The following DSCAM variants were observed in gnomAD, a reference collection of about 807,000 sequenced individuals.
DSCAM encodes the protein DS cell adhesion molecule, also known as cell adhesion molecule DSCAM.
Under a neutral mutation model 217.7 loss-of-function variants are expected in DSCAM, and 47 were observed. The observed-to-expected ratio is 0.22, with a 90% confidence interval of 0.17 to 0.28. The LOEUF is 0.28. DSCAM is among the 10% of genes least tolerant of loss of function. The pLI, the probability that DSCAM is intolerant of heterozygous loss-of-function variation, is 1.00. For synonymous variants in DSCAM, 1,056 were observed against 1,015.3 expected (o/e 1.04, Z -0.76); for missense variants, 2,080 against 2,618.3 (o/e 0.79, Z 4.49).
intron 11 of DSCAM, among the ~76,000 whole-genome samples, chr21:40,259,749 C>A (rs909491221): frequency 2.9e-5 from 4 of 137,064 alleles, no homozygotes; most frequent in Non-Finnish European, 6.1e-5. Context: ...TCTCGGCTCA[C>A]TGTAAGCTCT....
chr21:40,078,437 C>T (rs1046165886), intron 26 of DSCAM, among the ~76,000 whole-genome samples: 4 of 152,180 alleles, frequency 2.6e-5, no homozygotes, highest in African/African-American at 9.6e-5. Context: ...AGAAATCACT[C>T]CTGCCCCATG....
At chr21:40,338,866 A>C (rs2074456852) in intron 7 of DSCAM, among the ~76,000 whole-genome samples, 1 of 152,234 alleles carries the variant, frequency 6.6e-6, no homozygotes, top group Admixed American at 6.5e-5. Context: ...CATGCAGAGC[A>C]TAAACCAGGA....
chr21:40,065,538 C>G (rs183263981), intron 27 of DSCAM, among the ~76,000 whole-genome samples: 14 of 152,276 alleles, frequency 9.2e-5, no homozygotes, highest in Admixed American at 2.0e-4. Context: ...TTCACAATGT[C>G]TTACACAGAC....
At chr21:40,022,225 A>T (rs2088285156) in intron 32 of DSCAM, among the ~76,000 whole-genome samples, 1 of 152,158 alleles carries the variant, frequency 6.6e-6, no homozygotes, top group South Asian at 2.1e-4. Flanking sequence ...ACATGTAGCA[A>T]AGTCTGGAGA....
intron 3 of DSCAM, among the ~76,000 whole-genome samples, chr21:40,518,680 A>ATG (rs1198472792): frequency 1.5e-5 from 2 of 135,950 alleles, no homozygotes; most frequent in Non-Finnish European, 3.0e-5. Context: ...ATGTGTGTGT[A>ATG]TGTATATATA....
chr21:40,587,360 A>AT (rs1386973643), intron 3 of DSCAM, among the ~76,000 whole-genome samples: 1 of 152,184 alleles, frequency 6.6e-6, no homozygotes, highest in Non-Finnish European at 1.5e-5. Context: ...CCACACACTG[A>AT]TTTTAGTGAG....
intron 9 of DSCAM, among the ~76,000 whole-genome samples, chr21:40,311,363 C>T (rs2074135385): frequency 1.3e-5 from 2 of 152,168 alleles, no homozygotes; most frequent in South Asian, 4.1e-4. Flanking sequence ...ACACTAGCAG[C>T]TTATTTCATA....
intron 3 of DSCAM, among the ~76,000 whole-genome samples, chr21:40,607,210 C>T (rs889644175): frequency 7.8e-6 from 1 of 127,802 alleles, no homozygotes; most frequent in Non-Finnish European, 1.6e-5. Context: ...TCAAAAAGCA[C>T]AATTATGTTT....
At chr21:40,764,076 A>G (rs749295967) in intron 1 of DSCAM, among the ~76,000 whole-genome samples, 1 of 152,234 alleles carries the variant, frequency 6.6e-6, no homozygotes, top group South Asian at 2.1e-4. Flanking sequence ...AATGGCAACA[A>G]AAGCCAAAAT....
chr21:40,171,320 C>T (rs1053308805), intron 15 of DSCAM, among the ~76,000 whole-genome samples: 6 of 152,016 alleles, frequency 3.9e-5, no homozygotes, highest in East Asian at 1.9e-4. Context: ...TCAAGTGATC[C>T]GCCCGCCTCA....
chr21:40,558,296 A>T (rs2076688807), intron 3 of DSCAM, among the ~76,000 whole-genome samples: 1 of 152,032 alleles, frequency 6.6e-6, no homozygotes, highest in Non-Finnish European at 1.5e-5. Context: ...AAATACAAAA[A>T]AATTAGCTGG....
At chr21:40,669,359 G>A (rs975830135) in intron 3 of DSCAM, among the ~76,000 whole-genome samples, 2 of 152,012 alleles carry the variant, frequency 1.3e-5, no homozygotes, top group Non-Finnish European at 2.9e-5. Context: ...CACAATCCAC[G>A]TGCCCAAAGA....
At chr21:40,442,701 G>T (rs751762574) in intron 3 of DSCAM, among the ~76,000 whole-genome samples, 6 of 151,778 alleles carry the variant, frequency 4.0e-5, no homozygotes, top group African/African-American at 1.5e-4. Context: ...CAGTAAAGAC[G>T]GGGTTTCACC....
At chr21:40,330,397 A>T (rs1258902253) in intron 8 of DSCAM, among the ~76,000 whole-genome samples, 4 of 109,728 alleles carry the variant, frequency 3.6e-5, no homozygotes, top group Admixed American at 3.2e-4. Flanking sequence ...TAATAAATAT[A>T]TATTATACAT....
At chr21:40,508,783 ATTTTTTTTTTTTTTT>A (rs1178142732) in intron 3 of DSCAM, among the ~76,000 whole-genome samples, 1 of 24,216 alleles carries the variant, frequency 4.1e-5, no homozygotes. Context: ...ATATATATAT[ATTTTTTTTTTTTTTT>A]TTTTTTTTTT....
rs2090802886 is a variant in DSCAM, at chr21:40,713,270, G to A, written c.44-4499C>T. On this transcript the variant is annotated intron_variant, in intron 1 of 32. Transcript: ENST00000400454. ...CACTGGTGTCATATAGGATGGAAAT[G>A]TTACCAGGGCCAAAGGCTTCAATTA... 3.3e-5 allele frequency among the ~76,000 whole-genome samples: 5 copies of A among 152,142 alleles called. No individual in the cohort carries two copies. In the South Asian group the frequency reaches 1.0e-3, roughly 32 times the overall value.
At chr21:40,841,514 G>A (rs935887130) in intron 1 of DSCAM, among the ~76,000 whole-genome samples, 2 of 152,228 alleles carry the variant, frequency 1.3e-5, no homozygotes, top group African/African-American at 4.8e-5. Context: ...TTTGGAACTT[G>A]AAGAGTTAAC....
At chr21:40,300,770 T>G (rs2074006566) in intron 9 of DSCAM, among the ~76,000 whole-genome samples, 1 of 152,200 alleles carries the variant, frequency 6.6e-6, no homozygotes, top group Non-Finnish European at 1.5e-5. Flanking sequence ...AAGAGCTGAT[T>G]AAACCACACA....
At chr21:40,564,856 G>A (rs1029621008) in intron 3 of DSCAM, among the ~76,000 whole-genome samples, 2 of 150,786 alleles carry the variant, frequency 1.3e-5, no homozygotes, top group Admixed American at 1.3e-4. Context: ...GAAGCTGCTT[G>A]GCAATAAGGA....
Sources: gnomAD v4.1 joint callset for allele counts (sites outside exome capture counted in the v4.1 genomes callset) on GRCh38, gnomAD v4.1.1 for gene constraint, MANE v1.5 for transcripts, NCBI Gene and HGNC (gene_info 2026-07-23, HGNC 2026-07-21) for gene names.